The following CDKL5 variants were observed in gnomAD, a reference collection of about 807,000 sequenced individuals.
CDKL5 encodes cyclin-dependent kinase-like 5.
Under a neutral mutation model 61.7 loss-of-function variants are expected in CDKL5, and 8 were observed. The observed-to-expected ratio is 0.13, with a 90% CI of 0.08 to 0.23. The LOEUF (loss-of-function observed/expected upper bound fraction) is 0.23. CDKL5 is among the 10% of genes least tolerant of loss of function. The pLI is 1.00. For missense variants in CDKL5, 440 were observed against 734.5 expected, an observed-to-expected ratio of 0.60 and a Z score of 4.63; for synonymous variants, 275 against 272.3, an observed-to-expected ratio of 1.01 and a Z score of -0.10.
In CDKL5 at chrX:18,637,772, T is replaced by C. The variant is rs1476166300; in HGVS notation, c.*9015T>C. The C allele has an allele frequency of 9.0e-6, 1 of 111,577 alleles. No homozygotes were observed. The highest frequency in any genetic ancestry group is 2.8e-4 in the East Asian group (1 of 3,592). 9.2% of individuals were successfully genotyped at this position (111,577 alleles called of 1,213,427 possible). A position where few individuals can be genotyped will look rare whatever the true frequency, so the allele number is the denominator to read the frequency against. On this transcript the variant is annotated 3_prime_UTR_variant, in exon 18 of 18. Transcript: ENST00000623535. The stretch of plus-strand genomic sequence containing the variant: ...ATAACCTGCAGAGCACTTGAGAGTC[T>C]CAAGAAATATGAGCTCTTATAACAT...
chrX:18,622,416 G>T (rs1263213970), intron 16 of CDKL5, among the ~76,000 whole-genome samples: 1 of 111,923 alleles, frequency 8.9e-6, no homozygotes, highest in Non-Finnish European at 1.9e-5. Flanking sequence ...TCCAAAGAGC[G>T]CTCAGTACAG....
At chrX:18,473,222 G>C (rs770976183) in intron 1 of CDKL5, among the ~76,000 whole-genome samples, 49 of 110,796 alleles carry the variant, frequency 4.4e-4, no homozygotes, top group Admixed American at 4.3e-3. Flanking sequence ...GCCTCCCAAA[G>C]TGCTGGAATT....
chrX:18,498,994 C>G (rs373594256), intron 1 of CDKL5, among the ~76,000 whole-genome samples: 3 of 111,539 alleles, frequency 2.7e-5, no homozygotes, highest in African/African-American at 9.8e-5. Flanking sequence ...TGGTCTCGAA[C>G]TCCTGGCCTC....
chrX:18,610,476 A>T (rs918333942), intron 14 of CDKL5, among the ~76,000 whole-genome samples: 3 of 112,668 alleles, frequency 2.7e-5, no homozygotes, highest in African/African-American at 9.7e-5. Context: ...TCTTTGTCTG[A>T]GTTCTCTCTC....
intron 3 of CDKL5, among the ~76,000 whole-genome samples, chrX:18,526,024 G>A (rs1923428070): frequency 8.9e-6 from 1 of 112,086 alleles, no homozygotes; most frequent in Non-Finnish European, 1.9e-5. Context: ...TGGGATTATA[G>A]GCGTGAGCCA....
chrX:18,527,168 A>G (rs1193658831), intron 3 of CDKL5, among the ~76,000 whole-genome samples: 3 of 111,760 alleles, frequency 2.7e-5, no homozygotes, highest in African/African-American at 9.7e-5. Context: ...GGATTTTTGC[A>G]TCTGTATTCA....
chrX:18,486,666 G>A (rs1333502837), intron 1 of CDKL5, among the ~76,000 whole-genome samples: 1 of 111,734 alleles, frequency 8.9e-6, no homozygotes, highest in African/African-American at 3.2e-5. Flanking sequence ...TATTTTAAAG[G>A]ATTGAATATG....
In CDKL5 at chrX:18,635,287, G is replaced by C. The variant is rs934147181; in HGVS notation, c.*6530G>C. ...TAAATATTACACAAATATCTATTCC[G>C]TGATAACCTTCATTATCAGCATGAA... On this transcript the variant is annotated 3_prime_UTR_variant, in exon 18 of 18. Coordinates refer to ENST00000623535, the MANE Select transcript of CDKL5 (RefSeq NM_001323289.2). The C allele has an allele frequency of 4.0e-6, 3 of 743,737 alleles. No homozygotes were observed. The African/African-American group carries it at 7.0e-5, about 17-fold the overall frequency. 61.3% of individuals were successfully genotyped at this position (743,737 alleles called of 1,213,427 possible).
chrX:18,463,137 C>T (rs1331434658), intron 1 of CDKL5, among the ~76,000 whole-genome samples: 1 of 110,346 alleles, frequency 9.1e-6, no homozygotes, highest in Non-Finnish European at 1.9e-5. Context: ...GCTGGCTGGT[C>T]AAGTGTCAGG....
chrX:18,634,286 C>G lies in CDKL5; in HGVS notation c.*5529C>G. 14 of 753,982 alleles carry G rather than the reference C, an allele frequency of 1.9e-5. No individual in the cohort carries two copies. The highest frequency in any genetic ancestry group is 2.2e-5 in the Non-Finnish European group (14 of 639,168). The allele number at this position is 753,982 out of a possible 1,213,427, so 62.1% of individuals were successfully genotyped here. A position where few individuals can be genotyped will look rare whatever the true frequency, so the allele number is the denominator to read the frequency against. On this transcript the variant is annotated 3_prime_UTR_variant, in exon 18 of 18. Transcript: ENST00000623535. ...GGACTTCCTTTGGTTGGGGATTTTACTTTCCCAAAAGTCTGATCTGATTTC... is the reference window on the plus strand; with the variant it reads ...GGACTTCCTTTGGTTGGGGATTTTAGTTTCCCAAAAGTCTGATCTGATTTC...
chrX:18,563,053 A>C (rs1329983023), intron 3 of CDKL5, among the ~76,000 whole-genome samples: 1 of 112,173 alleles, frequency 8.9e-6, no homozygotes, highest in South Asian at 3.7e-4. Flanking sequence ...AATGAAAGAA[A>C]TGTATGTGGG....
chrX:18,509,197 G>GCGCACACACACACACA (rs1555940193), intron 2 of CDKL5, among the ~76,000 whole-genome samples: 3 of 64,314 alleles, frequency 4.7e-5, no homozygotes, highest in East Asian at 6.9e-4. Flanking sequence ...CTCAAAACAC[G>GCGCACACACACACACA]CACACACACA....
intron 1 of CDKL5, among the ~76,000 whole-genome samples, chrX:18,500,202 A>G (rs1346165521): frequency 1.8e-5 from 2 of 111,893 alleles, no homozygotes; most frequent in Non-Finnish European, 3.8e-5. Flanking sequence ...TTTATGGGAT[A>G]CATGTTATAT....
At chrX:18,431,303 A>G (rs1931480713) in intron 1 of CDKL5, among the ~76,000 whole-genome samples, 1 of 112,284 alleles carries the variant, frequency 8.9e-6, no homozygotes, top group African/African-American at 3.2e-5. Context: ...TTTGTTACCT[A>G]TTTAAGTTAG....
chrX:18,485,275 C>T (rs184191475), intron 1 of CDKL5, among the ~76,000 whole-genome samples: 3 of 110,525 alleles, frequency 2.7e-5, no homozygotes, highest in Admixed American at 9.8e-5. Context: ...TTCTTTGTTC[C>T]CACTGTTGCT....
chrX:18,595,460 G>T, intron 10 of CDKL5, 32 bp downstream of exon 10: 3 of 965,023 alleles, frequency 3.1e-6, no homozygotes, highest in Non-Finnish European at 1.5e-6. Context: ...TCTATAAAAT[G>T]TCTTTTGGTT....
intron 3 of CDKL5, 126 bp downstream of exon 3, chrX:18,510,980 A>C (rs1330362837): frequency 3.8e-6 from 2 of 524,623 alleles, no homozygotes; most frequent in Non-Finnish European, 6.2e-6. Flanking sequence ...TGAGACCAGA[A>C]ATGTTTTGGA....
intron 3 of CDKL5, among the ~76,000 whole-genome samples, chrX:18,534,689 G>T (rs1004421630): frequency 1.3e-4 from 15 of 112,066 alleles, no homozygotes; most frequent in African/African-American, 4.2e-4. Flanking sequence ...AGTATGAATT[G>T]TTAATTCAGT....
At chrX:18,542,484 G>C (rs1924058122) in intron 3 of CDKL5, among the ~76,000 whole-genome samples, 1 of 108,919 alleles carries the variant, frequency 9.2e-6, no homozygotes, top group African/African-American at 3.5e-5. Context: ...TTTTGTTGGG[G>C]CTCTTTGTCT....
Sources: gnomAD v4.1 joint callset for allele counts (sites outside exome capture counted in the v4.1 genomes callset) on GRCh38, gnomAD v4.1.1 for gene constraint, MANE v1.5 for transcripts, NCBI Gene and HGNC (gene_info 2026-07-23, HGNC 2026-07-21) for gene names.